Variants in MACROD2 observed in about 807,000 individuals in gnomAD.
The protein encoded by MACROD2 is ADP-ribose glycohydrolase MACROD2.
Under a neutral mutation model 70.4 loss-of-function variants are expected in MACROD2, and 36 were observed. The ratio of observed to expected loss-of-function variants is 0.51; its 90% CI spans 0.39 to 0.68. The LOEUF (loss-of-function observed/expected upper bound fraction) is 0.68. Among genes scored for constraint, MACROD2 ranks in the 30% least tolerant of loss-of-function variants. MACROD2 has a pLI of 0.00. For synonymous variants in MACROD2, 172 were observed against 178.8 expected, an observed-to-expected ratio of 0.96 and a Z score of 0.30; for missense variants, 496 against 538.4, an observed-to-expected ratio of 0.92 and a Z score of 0.78.
chr20:15,007,337 C>T (rs2075046440), intron 5 of MACROD2, among the ~76,000 whole-genome samples: 6 of 151,578 alleles, frequency 4.0e-5, no homozygotes, highest in Admixed American at 3.3e-4. Context: ...GCACTCCAGC[C>T]TGGGCGACAG....
chr20:14,113,850 T>G (rs1487871039), intron 3 of MACROD2, among the ~76,000 whole-genome samples: 1 of 152,134 alleles, frequency 6.6e-6, no homozygotes, highest in Non-Finnish European at 1.5e-5. Flanking sequence ...TCTTAAAATA[T>G]TTGGATGCTG....
intron 5 of MACROD2, among the ~76,000 whole-genome samples, chr20:14,727,020 A>G (rs975298091): frequency 6.6e-6 from 1 of 152,184 alleles, no homozygotes; most frequent in Non-Finnish European, 1.5e-5. Context: ...TATGGTTTAA[A>G]CCATATGGTG....
chr20:16,049,374 A>G (rs1162388918), intron 17 of MACROD2, among the ~76,000 whole-genome samples: 1 of 152,182 alleles, frequency 6.6e-6, no homozygotes, highest in African/African-American at 2.4e-5. Flanking sequence ...TCTCATGGGT[A>G]GTGAATAAGG....
At chr20:14,493,657 A>C (rs888980258) in intron 4 of MACROD2, 149 bp downstream of exon 4, 12 of 602,622 alleles carry the variant, frequency 2.0e-5, no homozygotes, top group African/African-American at 9.4e-5. Context: ...AATAATTTAT[A>C]ATATAAATAC....
intron 5 of MACROD2, chr20:14,905,600 C>T (rs2073949691): frequency 6.6e-6 from 1 of 152,248 alleles, no homozygotes; most frequent in Non-Finnish European, 1.5e-5. Context: ...TTCCTGCCCT[C>T]ACAGTCTGGG....
At chr20:15,038,571 G>T (rs2075331739) in intron 5 of MACROD2, among the ~76,000 whole-genome samples, 1 of 152,182 alleles carries the variant, frequency 6.6e-6, no homozygotes, top group Non-Finnish European at 1.5e-5. Context: ...ATGGCCAGAG[G>T]CCACCTGTCC....
chr20:15,525,475 A>C (rs1021997292), intron 8 of MACROD2, among the ~76,000 whole-genome samples: 3 of 152,172 alleles, frequency 2.0e-5, no homozygotes, highest in Non-Finnish European at 2.9e-5. Flanking sequence ...CAAAAAAAGT[A>C]ATTTCCATCA....
intron 5 of MACROD2, among the ~76,000 whole-genome samples, chr20:14,785,185 A>C (rs1468495671): frequency 1.3e-5 from 2 of 151,656 alleles, no homozygotes; most frequent in African/African-American, 4.9e-5. Context: ...ACACACACAC[A>C]CCCACACACA....
chr20:14,498,454 A>C (rs1357475661), intron 4 of MACROD2, among the ~76,000 whole-genome samples: 1 of 152,186 alleles, frequency 6.6e-6, no homozygotes, highest in Non-Finnish European at 1.5e-5. Flanking sequence ...ATTGTTTGTC[A>C]GTATTGATTA....
intron 6 of MACROD2, among the ~76,000 whole-genome samples, chr20:15,282,384 C>T (rs537091728): frequency 6.6e-6 from 1 of 152,320 alleles, no homozygotes; most frequent in African/African-American, 2.4e-5. Context: ...TGCTCTGCTT[C>T]CCTGTAAACA....
intron 5 of MACROD2, among the ~76,000 whole-genome samples, chr20:15,177,886 TATC>T (rs1383463010): frequency 1.3e-5 from 2 of 152,160 alleles, no homozygotes; most frequent in East Asian, 3.9e-4. Context: ...TTGGGTCGTG[TATC>T]ATTTGCTTAC....
intron 3 of MACROD2, among the ~76,000 whole-genome samples, chr20:14,451,633 A>C (rs1282927665): frequency 6.6e-6 from 1 of 152,134 alleles, no homozygotes; most frequent in African/African-American, 2.4e-5. Context: ...TTCCCAGGGC[A>C]CGTAGACTCA....
At chr20:15,092,463 A>C (rs1036762083) in intron 5 of MACROD2, among the ~76,000 whole-genome samples, 1 of 149,394 alleles carries the variant, frequency 6.7e-6, no homozygotes, top group Admixed American at 6.7e-5. Flanking sequence ...AAAATAATTT[A>C]TAATTATAAC....
At chr20:14,470,948 G>T (rs2084523124) in intron 3 of MACROD2, among the ~76,000 whole-genome samples, 1 of 152,148 alleles carries the variant, frequency 6.6e-6, no homozygotes, top group South Asian at 2.1e-4. Context: ...TGTCTTGCTG[G>T]CATTCGAGGT....
intron 3 of MACROD2, among the ~76,000 whole-genome samples, chr20:14,192,497 A>T (rs573666005): frequency 6.6e-6 from 1 of 152,268 alleles, no homozygotes; most frequent in African/African-American, 2.4e-5. Context: ...TTTAAGTAAG[A>T]TAGATGTGGG....
chr20:14,019,008 G>A (rs2053031617), intron 2 of MACROD2, among the ~76,000 whole-genome samples: 1 of 152,184 alleles, frequency 6.6e-6, no homozygotes, highest in African/African-American at 2.4e-5. Flanking sequence ...GGGCTGTTCA[G>A]GAGGTAGTGC....
At chr20:14,358,388 C>G (rs1019917887) in intron 3 of MACROD2, among the ~76,000 whole-genome samples, 1 of 152,124 alleles carries the variant, frequency 6.6e-6, no homozygotes, top group South Asian at 2.1e-4. Flanking sequence ...ATCCTAAATA[C>G]TTATATTAAC....
intron 3 of MACROD2, among the ~76,000 whole-genome samples, chr20:14,251,711 G>C (rs553299931): frequency 5.5e-4 from 83 of 152,184 alleles, no homozygotes; most frequent in Admixed American, 2.8e-3. Flanking sequence ...GAGGAAAATG[G>C]TGCTTTCAAA....
chr20:14,918,618 T>A (rs972414334), intron 5 of MACROD2, among the ~76,000 whole-genome samples: 4 of 114,272 alleles, frequency 3.5e-5, no homozygotes, highest in Non-Finnish European at 1.7e-5. Flanking sequence ...GTTTTTTTTG[T>A]TTTTTTTTTT....
Sources: gnomAD v4.1 joint callset for allele counts (sites outside exome capture counted in the v4.1 genomes callset) on GRCh38, gnomAD v4.1.1 for gene constraint, MANE v1.5 for transcripts, NCBI Gene and HGNC (gene_info 2026-07-23, HGNC 2026-07-21) for gene names.